Variants in RBFOX1 observed in about 807,000 individuals in gnomAD.
The protein encoded by RBFOX1 is RNA binding protein fox-1 homolog 1.
Under a neutral mutation model 57.7 loss-of-function variants are expected in RBFOX1, and 8 were observed. That is an observed-to-expected ratio of 0.14 (90% CI 0.08 to 0.25). The LOEUF (loss-of-function observed/expected upper bound fraction) is 0.25, where lower values mean the gene tolerates loss of function less well. RBFOX1 is among the 10% of genes least tolerant of loss of function. The pLI, the probability that RBFOX1 is intolerant of heterozygous loss-of-function variation, is 1.00. For synonymous variants in RBFOX1, 326 were observed against 222.4 expected (o/e 1.47, Z -4.15); for missense variants, 611 against 548.5 (o/e 1.11, Z -1.14).
Position 5,805,101 on chromosome 16 carries a change from A to G in RBFOX1, c.319-62202A>G, listed in dbSNP as rs118020923. The stretch of plus-strand genomic sequence containing the variant: ...AGGTGATCTAGTGTGGATTTGGGCT[A>G]AAAGCTGGGAAGGGGGCAGTTTGGT... On this transcript the variant is annotated intron_variant, in intron 3 of 19. Transcript: ENST00000641259. 3.7e-3 allele frequency among the ~76,000 whole-genome samples: 566 copies of G among 152,142 alleles called. 34 individuals carry two copies. The East Asian group carries it at 0.099, about 27-fold the overall frequency.
intron 4 of RBFOX1, among the ~76,000 whole-genome samples, chr16:7,178,775 C>T (rs2082143276): frequency 6.6e-6 from 1 of 152,150 alleles, no homozygotes; most frequent in African/African-American, 2.4e-5. Context: ...TTATACTGAC[C>T]AAATGTGCTT....
intron 3 of RBFOX1, among the ~76,000 whole-genome samples, chr16:5,801,056 T>G (rs2055040018): frequency 6.6e-6 from 1 of 152,108 alleles, no homozygotes; most frequent in Non-Finnish European, 1.5e-5. Context: ...CCACTTTTGA[T>G]GAAGACACAG....
At chr16:5,433,973 G>A (rs1480048778) in intron 1 of RBFOX1, among the ~76,000 whole-genome samples, 1 of 151,854 alleles carries the variant, frequency 6.6e-6, no homozygotes, top group African/African-American at 2.4e-5. Flanking sequence ...ACCTGGGGGA[G>A]TTTGTTAACC....
At chr16:6,060,528 C>G (rs1347243334) in intron 1 of RBFOX1, among the ~76,000 whole-genome samples, 1 of 152,120 alleles carries the variant, frequency 6.6e-6, no homozygotes, top group African/African-American at 2.4e-5. Context: ...AGTGTATTTT[C>G]AGGTTCGACC....
chr16:7,632,748 C>T (rs2061176929), intron 11 of RBFOX1, among the ~76,000 whole-genome samples: 1 of 152,114 alleles, frequency 6.6e-6, no homozygotes, highest in Non-Finnish European at 1.5e-5. Flanking sequence ...TTTATGCTAT[C>T]CAGCATAGTG....
At chr16:5,383,698 A>G (rs768077500) in intron 1 of RBFOX1, among the ~76,000 whole-genome samples, 24 of 152,176 alleles carry the variant, frequency 1.6e-4, no homozygotes, top group Non-Finnish European at 2.9e-4. Flanking sequence ...GTTTCACACT[A>G]TGATTTGGGC....
rs553333998 is a variant in RBFOX1, at chr16:6,822,678, A to G, written c.-16+168028A>G. Among the ~76,000 whole-genome samples, 510 of 152,260 alleles carry G rather than the reference A, an allele frequency of 3.3e-3. 2 individuals carry two copies. The highest frequency in any genetic ancestry group is 0.012 in the African/African-American group (485 of 41,552). On this transcript the variant is annotated intron_variant, in intron 3 of 15. Transcript: ENST00000550418. ...CCATGCTAATTCACTTTTACACGCT[A>G]TGGTGTGTTTTTAAAGATCCAAGCT...
chr16:5,807,373 A>G (rs2055264991), intron 3 of RBFOX1, among the ~76,000 whole-genome samples: 1 of 152,140 alleles, frequency 6.6e-6, no homozygotes, highest in Non-Finnish European at 1.5e-5. Flanking sequence ...CCACAGGGCC[A>G]GGACTCCCTG....
chr16:6,226,594 A>G (rs1405593870), intron 1 of RBFOX1, among the ~76,000 whole-genome samples: 1 of 152,102 alleles, frequency 6.6e-6, no homozygotes, highest in Non-Finnish European at 1.5e-5. Context: ...GGATAGTGAT[A>G]TAGTAAAGGT....
intron 1 of RBFOX1, among the ~76,000 whole-genome samples, chr16:5,403,853 C>G (rs553661512): frequency 6.6e-6 from 1 of 152,046 alleles, no homozygotes; most frequent in Non-Finnish European, 1.5e-5. Context: ...GTTTCAAGAA[C>G]ATGGAGAATG....
chr16:7,482,422 C>T (rs990758343), intron 4 of RBFOX1, among the ~76,000 whole-genome samples: 1 of 152,022 alleles, frequency 6.6e-6, no homozygotes, highest in Admixed American at 6.6e-5. Context: ...AGCCTTATTC[C>T]TGAATTTCTC....
intron 1 of RBFOX1, among the ~76,000 whole-genome samples, chr16:6,208,596 A>T (rs1461129981): frequency 1.3e-5 from 2 of 152,160 alleles, no homozygotes; most frequent in East Asian, 3.9e-4. Flanking sequence ...CAATCAACCC[A>T]TGTCCGCTGA....
chr16:6,635,185 ATATT>A (rs907387363), intron 2 of RBFOX1, among the ~76,000 whole-genome samples: 30 of 148,460 alleles, frequency 2.0e-4, no homozygotes, highest in African/African-American at 7.1e-4. Flanking sequence ...GTTTTAATAT[ATATT>A]ACATAATATG....
At chr16:6,064,479 G>T (rs1254715621) in intron 1 of RBFOX1, among the ~76,000 whole-genome samples, 3 of 152,154 alleles carry the variant, frequency 2.0e-5, no homozygotes, top group East Asian at 3.8e-4. Context: ...GGGCAATGTA[G>T]TAAGCAAATC....
intron 1 of RBFOX1, among the ~76,000 whole-genome samples, chr16:5,400,883 C>G (rs554375416): frequency 6.6e-6 from 1 of 152,136 alleles, no homozygotes; most frequent in Non-Finnish European, 1.5e-5. Flanking sequence ...ATTTTTTCCA[C>G]TAATGTTCCA....
chr16:7,214,718 A>G (rs941399013), intron 4 of RBFOX1, among the ~76,000 whole-genome samples: 8 of 151,980 alleles, frequency 5.3e-5, no homozygotes, highest in Non-Finnish European at 1.2e-4. Flanking sequence ...ATACTGCGCG[A>G]TCTTTCTTTT....
At chr16:6,557,623 T>A (rs561088429) in intron 2 of RBFOX1, among the ~76,000 whole-genome samples, 6 of 152,228 alleles carry the variant, frequency 3.9e-5, no homozygotes, top group Non-Finnish European at 8.8e-5. Flanking sequence ...TAAGTATCGC[T>A]GATTAATTCC....
At chr16:5,680,109 G>A (rs957074907) in intron 3 of RBFOX1, among the ~76,000 whole-genome samples, 1 of 152,206 alleles carries the variant, frequency 6.6e-6, no homozygotes, top group South Asian at 2.1e-4. Context: ...TCAGAAGAGG[G>A]ACATCATGAG....
intron 1 of RBFOX1, among the ~76,000 whole-genome samples, chr16:5,331,374 G>A (rs1164874302): frequency 6.6e-6 from 1 of 152,222 alleles, no homozygotes; most frequent in African/African-American, 2.4e-5. Context: ...CTTGGATTGT[G>A]TATCAGCTGA....
Sources: gnomAD v4.1 joint callset for allele counts (sites outside exome capture counted in the v4.1 genomes callset) on GRCh38, gnomAD v4.1.1 for gene constraint, MANE v1.5 for transcripts, NCBI Gene and HGNC (gene_info 2026-07-23, HGNC 2026-07-21) for gene names.